The following ATE1 variants were observed in gnomAD, a reference collection of about 807,000 sequenced individuals.
The protein encoded by ATE1 is arginyl-tRNA--protein transferase 1.
A neutral mutation model predicts 70.5 loss-of-function variants in ATE1; 36 were observed. That is an observed-to-expected ratio of 0.51 (90% CI 0.39 to 0.67). ATE1 has a LOEUF of 0.67. ATE1 is among the 30% of genes least tolerant of loss of function. The pLI is 0.00. For synonymous variants in ATE1, 232 were observed against 219.3 expected, an observed-to-expected ratio of 1.06 and a Z score of -0.51; for missense variants, 593 against 629.5, an observed-to-expected ratio of 0.94 and a Z score of 0.62.
intron 11 of ATE1, among the ~76,000 whole-genome samples, chr10:121,748,652 G>T (rs1306932686): frequency 6.3e-5 from 9 of 142,986 alleles, no homozygotes; most frequent in Non-Finnish European, 9.3e-5. Context: ...TAGTTTTTTT[G>T]TTTTTTTTTT....
intron 11 of ATE1, among the ~76,000 whole-genome samples, chr10:121,782,233 C>T (rs1355131440): frequency 6.6e-6 from 1 of 152,164 alleles, no homozygotes; most frequent in Admixed American, 6.5e-5. Flanking sequence ...TTCCAAAATA[C>T]AGCATCAAGT....
At chr10:121,750,464 G>A (rs1479320669) in intron 11 of ATE1, among the ~76,000 whole-genome samples, 1 of 152,158 alleles carries the variant, frequency 6.6e-6, no homozygotes, top group Non-Finnish European at 1.5e-5. Flanking sequence ...GATCACTAGC[G>A]ATACAAATAT....
At position 121,790,801 on chromosome 10, in the gene ATE1, T is replaced by C. The variant is rs114048349; in HGVS notation, c.1258-512A>G. Reference sequence around the variant, plus strand: ...GTAGTAGAAAGTACTGTTTTATCAATATACTTCTATAAGCAATCTAAACTG... The same window carrying C: ...GTAGTAGAAAGTACTGTTTTATCAACATACTTCTATAAGCAATCTAAACTG... On this transcript the variant is annotated intron_variant, in intron 10 of 11. Coordinates refer to ENST00000224652, the MANE Select transcript of ATE1 (RefSeq NM_001001976.3). 9.5e-3 allele frequency among the ~76,000 whole-genome samples: 1,439 copies of C among 152,252 alleles called. 26 individuals carry two copies. Among genetic ancestry groups the C allele is most frequent in the African/African-American group, 0.032 (1,336 of 41,550 alleles).
intron 8 of ATE1, among the ~76,000 whole-genome samples, chr10:121,853,335 C>G (rs1438160153): frequency 7.5e-6 from 1 of 134,104 alleles, no homozygotes; most frequent in Non-Finnish European, 1.5e-5. Flanking sequence ...CTGATCCAGC[C>G]TGGGGAACAA....
At chr10:121,874,156 C>A (rs565322472) in intron 7 of ATE1, among the ~76,000 whole-genome samples, 1 of 152,132 alleles carries the variant, frequency 6.6e-6, no homozygotes, top group African/African-American at 2.4e-5. Flanking sequence ...TAAATTACAC[C>A]TCATTGTAAA....
chr10:121,894,134 T>C (rs558754060), intron 7 of ATE1, among the ~76,000 whole-genome samples: 305 of 98,486 alleles, frequency 3.1e-3, no homozygotes, highest in African/African-American at 0.012. Flanking sequence ...CGAAACTCCA[T>C]CTCAAAAAAA....
At chr10:121,828,809 C>T (rs1019210280) in intron 10 of ATE1, among the ~76,000 whole-genome samples, 1 of 148,780 alleles carries the variant, frequency 6.7e-6, no homozygotes, top group African/African-American at 2.4e-5. Context: ...TAGCTCATTA[C>T]TCAATACAAA....
Position 121,775,715 on chromosome 10 carries a change from A to C in ATE1, c.1378+14454T>G, listed in dbSNP as rs949268002. 2.6e-5 allele frequency among the ~76,000 whole-genome samples: 4 copies of C among 152,192 alleles called. No homozygotes were observed. The East Asian group carries it at 7.7e-4, about 29-fold the overall frequency. The stretch of plus-strand genomic sequence containing the variant: ...CAGCATTAAGAAAGTGGGTCCCTCC[A>C]CTGACGGTATCTAGGGTAGTAACTG... On this transcript the variant is annotated intron_variant, in intron 11 of 11. Coordinates refer to ENST00000224652, the MANE Select transcript of ATE1 (RefSeq NM_001001976.3).
intron 10 of ATE1, among the ~76,000 whole-genome samples, chr10:121,809,525 AAAACTGGCATTATTT>A (rs1947233788): frequency 6.6e-6 from 1 of 152,186 alleles, no homozygotes; most frequent in Admixed American, 6.5e-5. Flanking sequence ...ATTCTTAAGT[AAAACTGGCATTATTT>A]TTACTGCGAG....
intron 1 of ATE1, among the ~76,000 whole-genome samples, chr10:121,926,369 A>G (rs1011251837): frequency 2.6e-5 from 4 of 152,176 alleles, no homozygotes. Context: ...CACACTAAGG[A>G]GTTACCCAAT....
At chr10:121,761,739 A>G (rs557881786) in intron 11 of ATE1, among the ~76,000 whole-genome samples, 1 of 152,272 alleles carries the variant, frequency 6.6e-6, no homozygotes, top group South Asian at 2.1e-4. Context: ...ACAAGTCCCA[A>G]TCTAGAAATC....
At position 121,797,646 on chromosome 10, in the gene ATE1, G is replaced by A. The variant is rs547270829; in HGVS notation, c.1258-7357C>T. Among the ~76,000 whole-genome samples, 5 of 150,118 alleles carry A rather than the reference G, an allele frequency of 3.3e-5. No homozygotes were observed. The South Asian group carries it at 6.3e-4, about 19-fold the overall frequency. On this transcript the variant is annotated intron_variant, in intron 10 of 11. Coordinates refer to ENST00000224652, the MANE Select transcript of ATE1 (RefSeq NM_001001976.3). The stretch of plus-strand genomic sequence containing the variant: ...CAGCCTATAAGGCCCTGAGTGGCAC[G>A]GCCCATGTTACCCTTCAGACTGGTC...
chr10:121,803,111 C>A (rs1195279642), intron 10 of ATE1, among the ~76,000 whole-genome samples: 1 of 152,182 alleles, frequency 6.6e-6, no homozygotes, highest in Admixed American at 6.5e-5. Flanking sequence ...CTTATTTTTA[C>A]ATCACCCCTC....
At chr10:121,922,323 CTCTT>C (rs759275098) in intron 3 of ATE1, 22 bp downstream of exon 3, 244 of 1,482,056 alleles carry the variant, frequency 1.6e-4, no homozygotes, top group Non-Finnish European at 2.2e-4. Flanking sequence ...ACTATAAATC[CTCTT>C]TCTACTAATT....
intron 11 of ATE1, among the ~76,000 whole-genome samples, chr10:121,766,172 G>A (rs957541170): frequency 6.6e-6 from 1 of 152,144 alleles, no homozygotes; most frequent in African/African-American, 2.4e-5. Flanking sequence ...ATTTTATAAG[G>A]TTCAAGTTTT....
intron 3 of ATE1, among the ~76,000 whole-genome samples, chr10:121,921,377 C>T (rs1951875209): frequency 6.7e-6 from 1 of 150,346 alleles, no homozygotes; most frequent in South Asian, 2.1e-4. Context: ...TGTATTAGGC[C>T]GACTTGTCCC....
chr10:121,762,709 G>A (rs531360501), intron 11 of ATE1, among the ~76,000 whole-genome samples: 2 of 152,288 alleles, frequency 1.3e-5, no homozygotes, highest in South Asian at 2.1e-4. Flanking sequence ...CCTGAGCTAC[G>A]GGGATAGGCT....
intron 10 of ATE1, among the ~76,000 whole-genome samples, chr10:121,826,600 T>C (rs1564872513): frequency 6.6e-6 from 1 of 152,102 alleles, no homozygotes; most frequent in African/African-American, 2.4e-5. Context: ...CCACCGCACC[T>C]AGCAACAATA....
intron 1 of ATE1, chr10:121,927,060 CTATTAAAA>C: frequency 1.0e-6 from 1 of 985,358 alleles, no homozygotes; most frequent in Non-Finnish European, 1.2e-6. Context: ...CTAGACTGTT[CTATTAAAA>C]TAATAGAGTC....
Sources: allele counts gnomAD v4.1 joint callset (sites outside exome capture counted in the v4.1 genomes callset), GRCh38; gene constraint gnomAD v4.1.1; transcripts MANE v1.5; gene names NCBI Gene and HGNC (gene_info 2026-07-23, HGNC 2026-07-21).